The following NELL1 variants were observed in gnomAD, a reference collection of about 807,000 sequenced individuals.
NELL1 encodes the protein neural EGFL like 1.
NELL1 carries 76 observed loss-of-function variants against 107.4 expected under a neutral mutation model. The observed-to-expected ratio is 0.71, with a 90% CI of 0.59 to 0.86. The LOEUF (loss-of-function observed/expected upper bound fraction) is 0.86. Among genes scored for constraint, NELL1 ranks in the 40% least tolerant of loss-of-function variants. NELL1 has a pLI of 0.00. For missense variants in NELL1, 1,024 were observed against 1,005.5 expected, an observed-to-expected ratio of 1.02 and a Z score of -0.25; for synonymous variants, 353 against 341.2, an observed-to-expected ratio of 1.03 and a Z score of -0.38.
chr11:20,743,155 T>G (rs1400072958), intron 2 of NELL1, among the ~76,000 whole-genome samples: 1 of 151,914 alleles, frequency 6.6e-6, no homozygotes, highest in Non-Finnish European at 1.5e-5. Flanking sequence ...GAGTTCGAGA[T>G]CAGCCTGGCC....
rs990671446 is a variant in NELL1, at chr11:20,947,251, A to C, written c.1072-85A>C. The C allele has an allele frequency of 3.8e-5, 32 of 844,776 alleles. No individual in the cohort carries two copies. The African/African-American group carries it at 4.5e-4, about 12-fold the overall frequency. The allele number at this position is 844,776 out of a possible 1,614,324, so 52.3% of individuals were successfully genotyped here. ...AATTATTGTATGTTGTTATCACTGC[A>C]GGCTATTAACAAAGAACATTATAAG... On this transcript the variant is annotated intron_variant, in intron 10 of 19. Coordinates refer to ENST00000357134, the MANE Select transcript of NELL1 (RefSeq NM_006157.5).
At chr11:21,109,523 A>AT (rs1462810076) in intron 12 of NELL1, among the ~76,000 whole-genome samples, 3 of 152,094 alleles carry the variant, frequency 2.0e-5, no homozygotes, top group Non-Finnish European at 4.4e-5. Flanking sequence ...ATTGCTCAAG[A>AT]TATCTGCTTC....
chr11:20,922,437 G>A (rs973390147), intron 7 of NELL1, among the ~76,000 whole-genome samples: 20 of 152,010 alleles, frequency 1.3e-4, no homozygotes, highest in African/African-American at 4.8e-4. Context: ...GTAGTCTGCC[G>A]TCTTGGTGGA....
chr11:21,344,054 T>C (rs1277722311), intron 14 of NELL1, among the ~76,000 whole-genome samples: 1 of 152,198 alleles, frequency 6.6e-6, no homozygotes, highest in African/African-American at 2.4e-5. Flanking sequence ...CAGAAGCAAA[T>C]CAGTACATAC....
At chr11:20,829,381 C>G (rs1857955954) in intron 3 of NELL1, among the ~76,000 whole-genome samples, 2 of 152,020 alleles carry the variant, frequency 1.3e-5, no homozygotes, top group Admixed American at 6.5e-5. Context: ...CACCCGCCAC[C>G]ACACCTGGCT....
intron 12 of NELL1, among the ~76,000 whole-genome samples, chr11:21,077,296 T>A (rs1854159264): frequency 6.6e-6 from 1 of 152,170 alleles, no homozygotes; most frequent in South Asian, 2.1e-4. Context: ...CAATTTAAGA[T>A]GCTATCTCAT....
At chr11:20,676,807 C>A (rs760465707) in intron 1 of NELL1, among the ~76,000 whole-genome samples, 1 of 152,200 alleles carries the variant, frequency 6.6e-6, no homozygotes, top group African/African-American at 2.4e-5. Context: ...TCAGTGACTG[C>A]ATTACCATCA....
intron 2 of NELL1, among the ~76,000 whole-genome samples, chr11:20,752,613 C>T (rs1263367222): frequency 2.0e-5 from 3 of 152,088 alleles, no homozygotes; most frequent in African/African-American, 7.2e-5. Context: ...GTCTTTTTTG[C>T]ATCTGTTGAG....
chr11:20,803,495 ACTT>A (rs889535697), intron 3 of NELL1, among the ~76,000 whole-genome samples: 2 of 151,738 alleles, frequency 1.3e-5, no homozygotes, highest in African/African-American at 4.8e-5. Flanking sequence ...TCAAAAACGA[ACTT>A]CTTCTTTCAT....
Position 21,233,947 on chromosome 11 carries a change from G to A in NELL1, c.1549+4493G>A, listed in dbSNP as rs77397487. ...TGAATTCTGTGTCTGGGCACCAAAAGAGCAAAAATAAATAAGACAAGTCCC... is the reference window on the plus strand; with the variant it reads ...TGAATTCTGTGTCTGGGCACCAAAAAAGCAAAAATAAATAAGACAAGTCCC... On this transcript the variant is annotated intron_variant, in intron 14 of 19. Transcript: ENST00000357134. Among the ~76,000 whole-genome samples the A allele has an allele frequency of 3.9e-3, 598 of 152,260 alleles. 5 individuals carry two copies. Among genetic ancestry groups the A allele is most frequent in the Middle Eastern group, 0.014 (4 of 294 alleles).
intron 13 of NELL1, among the ~76,000 whole-genome samples, chr11:21,156,988 G>A (rs1217390340): frequency 6.6e-6 from 1 of 151,686 alleles, no homozygotes; most frequent in Non-Finnish European, 1.5e-5. Context: ...TGTAATCTCA[G>A]CTACTTGGGA....
chr11:21,405,405 G>T (rs61885549), intron 15 of NELL1, among the ~76,000 whole-genome samples: 1 of 151,484 alleles, frequency 6.6e-6, no homozygotes, highest in Non-Finnish European at 1.5e-5. Flanking sequence ...AATTTTTTCT[G>T]TTGTGTTTAT....
intron 13 of NELL1, among the ~76,000 whole-genome samples, chr11:21,193,306 G>A (rs1249279625): frequency 3.3e-5 from 5 of 151,650 alleles, no homozygotes; most frequent in Admixed American, 2.6e-4. Flanking sequence ...GATACTCTTA[G>A]GTCAATCAGA....
rs370880257 is a variant in NELL1 at position 21,408,838 on chromosome 11, C to T, written c.1645+37890C>T. Among the ~76,000 whole-genome samples, 185 of 152,108 alleles carry T rather than the reference C, an allele frequency of 1.2e-3. 5 individuals are homozygous for T. The South Asian group carries it at 0.038, about 31-fold the overall frequency. On this transcript the variant is annotated intron_variant, in intron 15 of 19. Transcript: ENST00000357134. ...AAAAAACACATGAAAAAATGCTCAC[C>T]ATCACTGGCCATCAGAGAAATGCAA...
At chr11:20,872,085 T>C (rs564532393) in intron 4 of NELL1, among the ~76,000 whole-genome samples, 17 of 148,824 alleles carry the variant, frequency 1.1e-4, no homozygotes, top group African/African-American at 4.2e-4. Context: ...CTTGGAGCTA[T>C]ATCCTGTGGC....
intron 4 of NELL1, among the ~76,000 whole-genome samples, chr11:20,863,651 ACTTCC>A (rs1330302026): frequency 1.6e-4 from 23 of 148,156 alleles, no homozygotes; most frequent in Non-Finnish European, 2.7e-4. Context: ...GGTGCTCCTC[ACTTCC>A]CAGACGATGG....
At chr11:20,792,117 G>A (rs2133991998) in intron 3 of NELL1, among the ~76,000 whole-genome samples, 1 of 151,942 alleles carries the variant, frequency 6.6e-6, no homozygotes, top group African/African-American at 2.4e-5. Context: ...TCTTTCTTTT[G>A]AGTTTTAGCT....
chr11:21,557,292 T>G (rs1856738849), intron 16 of NELL1, among the ~76,000 whole-genome samples: 1 of 152,034 alleles, frequency 6.6e-6, no homozygotes, highest in African/African-American at 2.4e-5. Flanking sequence ...TGAAAGCAAA[T>G]CCTGGTTTTG....
At chr11:20,897,843 A>G (rs1482544063) in intron 5 of NELL1, among the ~76,000 whole-genome samples, 1 of 152,232 alleles carries the variant, frequency 6.6e-6, no homozygotes, top group Non-Finnish European at 1.5e-5. Context: ...GCCATCAGAG[A>G]AATGCAAATC....
Sources: allele counts gnomAD v4.1 joint callset (sites outside exome capture counted in the v4.1 genomes callset), GRCh38; gene constraint gnomAD v4.1.1; transcripts MANE v1.5; gene names NCBI Gene and HGNC (gene_info 2026-07-23, HGNC 2026-07-21).